The following CCDC91 variants were observed in gnomAD, a reference collection of about 807,000 sequenced individuals.
CCDC91 encodes the protein coiled-coil domain containing 91, also known as coiled-coil domain-containing protein 91.
Under a neutral mutation model 63.2 loss-of-function variants are expected in CCDC91, and 48 were observed. The observed-to-expected ratio is 0.76, with a 90% CI of 0.60 to 0.97. The LOEUF (loss-of-function observed/expected upper bound fraction) is 0.97, where lower values mean the gene tolerates loss of function less well. Ranked by LOEUF, CCDC91 falls within the 50% of genes least tolerant of loss-of-function variation. The probability of loss-of-function intolerance (pLI) is 0.00; values close to 1 mark genes in which losing one functional copy is unlikely to be tolerated. For synonymous variants in CCDC91, 167 were observed against 165.8 expected, an observed-to-expected ratio of 1.01 and a Z score of -0.06; for missense variants, 500 against 494.6, an observed-to-expected ratio of 1.01 and a Z score of -0.10.
intron 3 of CCDC91, among the ~76,000 whole-genome samples, chr12:28,282,061 G>A (rs1201921501): frequency 6.6e-6 from 1 of 151,974 alleles, no homozygotes. Flanking sequence ...ATATATCTCA[G>A]GTAAAAGACA....
chr12:28,399,871 G>T (rs1447470202), intron 8 of CCDC91, among the ~76,000 whole-genome samples: 3 of 152,200 alleles, frequency 2.0e-5, no homozygotes, highest in Non-Finnish European at 4.4e-5. Flanking sequence ...CTATGGCTTT[G>T]CAGGGTACAG....
intron 1 of CCDC91, among the ~76,000 whole-genome samples, chr12:28,206,336 A>G (rs954876445): frequency 4.6e-5 from 7 of 152,312 alleles, no homozygotes; most frequent in African/African-American, 1.4e-4. Flanking sequence ...CAGTCTCAGC[A>G]TGTCATTCAT....
intron 8 of CCDC91, among the ~76,000 whole-genome samples, chr12:28,408,442 C>T (rs1485094518): frequency 6.6e-6 from 1 of 152,094 alleles, no homozygotes; most frequent in Admixed American, 6.5e-5. Context: ...CTGCAATAAA[C>T]ATACTTGTGC....
chr12:28,304,780 T>C (rs1938527975), intron 3 of CCDC91: 1 of 484,416 alleles, frequency 2.1e-6, no homozygotes, highest in Non-Finnish European at 3.5e-6. Context: ...TTTCCTTAAA[T>C]TTTAAAATAC....
intron 12 of CCDC91, among the ~76,000 whole-genome samples, chr12:28,522,453 T>G (rs1940796568): frequency 6.6e-6 from 1 of 152,166 alleles, no homozygotes; most frequent in South Asian, 2.1e-4. Context: ...GTCTATTTGA[T>G]TCTTCTCTCT....
chr12:28,283,454 A>G (rs1203539355), intron 3 of CCDC91, among the ~76,000 whole-genome samples: 1 of 151,364 alleles, frequency 6.6e-6, no homozygotes, highest in African/African-American at 2.4e-5. Context: ...TAGGTATTTT[A>G]TTTATTTTGC....
chr12:28,259,486 A>G lies in CCDC91; in HGVS notation c.109+44A>G, dbSNP rs780254109. ...TAGGGTTTTTTTTTTTTTTTTTCCC[A>G]TGTAACATTTTTGGCAACTCTTTGA... is the stretch of plus-strand genomic sequence containing the variant. On this transcript the variant is annotated intron_variant, in intron 3 of 12. Transcript: ENST00000536442. The G allele has an allele frequency of 5.3e-6, 6 of 1,137,156 alleles. No individual in the cohort carries two copies. The East Asian group carries it at 9.8e-5, about 19-fold the overall frequency. The allele number at this position is 1,137,156 out of a possible 1,614,324, so 70.4% of individuals were successfully genotyped here.
chr12:28,475,005 C>T (rs969720909), intron 11 of CCDC91, among the ~76,000 whole-genome samples: 10 of 151,974 alleles, frequency 6.6e-5, no homozygotes, highest in African/African-American at 2.2e-4. Context: ...TACACAGGGA[C>T]GTCACCATTA....
At chr12:28,221,433 C>G (rs1489452049) in intron 1 of CCDC91, among the ~76,000 whole-genome samples, 2 of 152,038 alleles carry the variant, frequency 1.3e-5, no homozygotes, top group East Asian at 3.8e-4. Context: ...CTTTATATGA[C>G]TGTTATTTCT....
chr12:28,477,520 G>A (rs34317346), intron 11 of CCDC91, among the ~76,000 whole-genome samples: 5,680 of 152,150 alleles, frequency 0.037, 137 homozygotes, highest in Non-Finnish European at 0.061. Flanking sequence ...ATACGGAATG[G>A]GCAAAAACTG....
intron 12 of CCDC91, among the ~76,000 whole-genome samples, chr12:28,510,478 C>T (rs912863807): frequency 2.0e-5 from 3 of 151,806 alleles, no homozygotes; most frequent in Admixed American, 6.6e-5. Flanking sequence ...CAGAAAAGAT[C>T]AGTGTCAGAC....
chr12:28,309,761 T>C (rs1431353052), intron 6 of CCDC91, among the ~76,000 whole-genome samples: 1 of 152,072 alleles, frequency 6.6e-6, no homozygotes, highest in African/African-American at 2.4e-5. Context: ...AAATTATACT[T>C]TTAACAGCTC....
chr12:28,482,904 C>T (rs1951521917), intron 11 of CCDC91, among the ~76,000 whole-genome samples: 1 of 151,846 alleles, frequency 6.6e-6, no homozygotes, highest in African/African-American at 2.4e-5. Context: ...AATTATTATG[C>T]AACCCTATAA....
intron 6 of CCDC91, among the ~76,000 whole-genome samples, chr12:28,310,418 A>G (rs1939202806): frequency 6.6e-6 from 1 of 152,092 alleles, no homozygotes; most frequent in African/African-American, 2.4e-5. Context: ...GTGATAATCT[A>G]GGAGTGATGA....
chr12:28,195,352 C>T (rs1941678881), intron 1 of CCDC91, among the ~76,000 whole-genome samples: 1 of 152,024 alleles, frequency 6.6e-6, no homozygotes, highest in African/African-American at 2.4e-5. Flanking sequence ...GACACAGACT[C>T]TGATTGGTGC....
At chr12:28,515,530 T>C (rs1939848226) in intron 12 of CCDC91, among the ~76,000 whole-genome samples, 1 of 151,848 alleles carries the variant, frequency 6.6e-6, no homozygotes, top group Admixed American at 6.6e-5. Flanking sequence ...GTAAAATAAA[T>C]TCAGTGGATT....
intron 6 of CCDC91, among the ~76,000 whole-genome samples, chr12:28,345,157 C>T (rs1254837602): frequency 1.3e-5 from 2 of 151,990 alleles, no homozygotes; most frequent in African/African-American, 4.8e-5. Context: ...CTTTTCCTTT[C>T]TTGTGTCAGC....
intron 6 of CCDC91, among the ~76,000 whole-genome samples, chr12:28,322,580 A>G (rs1022263551): frequency 2.0e-5 from 3 of 151,710 alleles, no homozygotes; most frequent in African/African-American, 7.3e-5. Context: ...TATGTGTCTC[A>G]ATATACCTTC....
intron 11 of CCDC91, among the ~76,000 whole-genome samples, 155 bp from the exon 12 acceptor site, chr12:28,483,897 G>T (rs1511551): frequency 3.3e-5 from 5 of 151,914 alleles, no homozygotes; most frequent in Non-Finnish European, 7.4e-5. Flanking sequence ...CTAACAGATC[G>T]CAAAAGATTC....
Sources: allele counts gnomAD v4.1 joint callset (sites outside exome capture counted in the v4.1 genomes callset), GRCh38; gene constraint gnomAD v4.1.1; transcripts MANE v1.5; gene names NCBI Gene and HGNC (gene_info 2026-07-23, HGNC 2026-07-21).